IMMP2L: variants seen among roughly 807,000 people sequenced by gnomAD.
The protein encoded by IMMP2L is inner mitochondrial membrane peptidase subunit 2.
In IMMP2L, 18 loss-of-function variants were observed where a neutral mutation model predicts 19.3. That is an observed-to-expected ratio of 0.93 (90% CI 0.64 to 1.38). The LOEUF is 1.38. IMMP2L is among the 40% of genes most tolerant of loss of function. The pLI is 0.00. For synonymous variants in IMMP2L, 76 were observed against 73.0 expected (o/e 1.04, Z -0.21); for missense variants, 233 against 218.2 (o/e 1.07, Z -0.43).
chr7:111,050,559 T>C (rs1321731813), intron 3 of IMMP2L, among the ~76,000 whole-genome samples: 5 of 152,234 alleles, frequency 3.3e-5, no homozygotes. Context: ...ACATCTTTTT[T>C]GCTGCTTTTT....
chr7:111,341,389 T>C (rs533882354), intron 3 of IMMP2L, among the ~76,000 whole-genome samples: 1 of 152,210 alleles, frequency 6.6e-6, no homozygotes, highest in African/African-American at 2.4e-5. Flanking sequence ...AATGAATATA[T>C]GAATAAATGA....
intron 3 of IMMP2L, among the ~76,000 whole-genome samples, chr7:111,264,852 T>C (rs776339024): frequency 5.9e-5 from 9 of 151,990 alleles, no homozygotes; most frequent in Non-Finnish European, 1.0e-4. Flanking sequence ...GTACCCACAG[T>C]TGTACAGCAT....
intron 3 of IMMP2L, among the ~76,000 whole-genome samples, chr7:111,136,093 A>C (rs1426502018): frequency 6.6e-6 from 1 of 151,188 alleles, no homozygotes; most frequent in East Asian, 1.9e-4. Context: ...CAGTGGCATG[A>C]TCTCAGCTCA....
intron 3 of IMMP2L, among the ~76,000 whole-genome samples, chr7:111,285,304 A>G (rs1212361196): frequency 6.6e-6 from 1 of 152,136 alleles, no homozygotes; most frequent in Admixed American, 6.6e-5. Flanking sequence ...TGAGGAAAAC[A>G]AAAACAAAAA....
At chr7:111,360,304 G>A (rs1371455122) in intron 3 of IMMP2L, among the ~76,000 whole-genome samples, 3 of 152,032 alleles carry the variant, frequency 2.0e-5, no homozygotes, top group Non-Finnish European at 4.4e-5. Context: ...TTTTAAAGCA[G>A]TGTCCCCATA....
intron 3 of IMMP2L, among the ~76,000 whole-genome samples, chr7:111,014,645 C>A (rs1825316790): frequency 6.6e-6 from 1 of 151,846 alleles, no homozygotes; most frequent in Admixed American, 6.6e-5. Context: ...GAAAGGTAAT[C>A]TATGGAATGG....
intron 3 of IMMP2L, among the ~76,000 whole-genome samples, chr7:111,397,281 T>C (rs956972295): frequency 6.6e-6 from 1 of 152,140 alleles, no homozygotes; most frequent in Non-Finnish European, 1.5e-5. Flanking sequence ...TAGGAGCACT[T>C]TCAATATTCA....
At chr7:111,196,210 GA>G (rs923420155) in intron 3 of IMMP2L, among the ~76,000 whole-genome samples, 1 of 152,066 alleles carries the variant, frequency 6.6e-6, no homozygotes, top group African/African-American at 2.4e-5. Context: ...GGGACCTTAG[GA>G]AAAATCATGA....
At chr7:111,356,433 T>C in intron 3 of IMMP2L, among the ~76,000 whole-genome samples, 1 of 152,130 alleles carries the variant, frequency 6.6e-6, no homozygotes, top group East Asian at 1.9e-4. Context: ...TAAGAAAGGA[T>C]CTACATAGGT....
Position 110,963,546 on chromosome 7 carries a change from G to T in IMMP2L, c.259C>A (p.Gln87Lys). 6.3e-7 allele frequency: 1 copy of T among 1,599,488 alleles called. No homozygotes were observed. Among genetic ancestry groups the T allele is most frequent in the Non-Finnish European group, 8.6e-7 (1 of 1,168,926 alleles). ...GCAATCACTCTCTTAATGATCTTCT[G>T]TTCTGGGTTTTTAGGAGACCTAGAA... ...VSLVSPKNPE[Q>K]KIIKRVIALE... Residue 87 changes from glutamine to lysine, a missense_variant, in exon 4 of 6, where the codon CAG (glutamine) becomes AAG (lysine). Gln to Lys is a moderately conservative substitution (Grantham distance 53). Transcript: ENST00000405709.
At chr7:111,479,732 T>C (rs915997028) in intron 3 of IMMP2L, among the ~76,000 whole-genome samples, 1 of 152,074 alleles carries the variant, frequency 6.6e-6, no homozygotes, top group Admixed American at 6.6e-5. Context: ...GAAACAGCAT[T>C]CTCAGAGACT....
chr7:110,702,349 A>G (rs1794343939), intron 5 of IMMP2L, among the ~76,000 whole-genome samples: 3 of 152,214 alleles, frequency 2.0e-5, no homozygotes, highest in East Asian at 1.9e-4. Context: ...ATACATATAC[A>G]TGTTCACAGA....
intron 3 of IMMP2L, among the ~76,000 whole-genome samples, chr7:111,197,426 G>A (rs946427334): frequency 6.6e-5 from 10 of 152,068 alleles, no homozygotes; most frequent in Non-Finnish European, 1.0e-4. Context: ...TCACGCCACG[G>A]TGCTCCAGCC....
intron 3 of IMMP2L, among the ~76,000 whole-genome samples, chr7:111,286,836 T>C (rs1820537844): frequency 1.3e-5 from 2 of 152,278 alleles, no homozygotes; most frequent in South Asian, 4.1e-4. Context: ...AGTGGGTGAC[T>C]GAGGTCCCAG....
At chr7:110,739,963 G>C (rs1244887391) in intron 5 of IMMP2L, among the ~76,000 whole-genome samples, 1 of 152,104 alleles carries the variant, frequency 6.6e-6, no homozygotes, top group Non-Finnish European at 1.5e-5. Context: ...CAGAATGATT[G>C]TTGGGTTAAC....
At chr7:111,350,919 CTA>C (rs1828083489) in intron 3 of IMMP2L, among the ~76,000 whole-genome samples, 1 of 152,100 alleles carries the variant, frequency 6.6e-6, no homozygotes, top group South Asian at 2.1e-4. Flanking sequence ...GAAAAATAGA[CTA>C]TGCATTTTCA....
At chr7:111,274,312 T>A (rs1353587231) in intron 3 of IMMP2L, among the ~76,000 whole-genome samples, 1 of 151,966 alleles carries the variant, frequency 6.6e-6, no homozygotes, top group Non-Finnish European at 1.5e-5. Context: ...CTAAAATGAG[T>A]CTTAAATAAG....
At chr7:111,037,320 C>T (rs1314406256) in intron 3 of IMMP2L, among the ~76,000 whole-genome samples, 2 of 152,006 alleles carry the variant, frequency 1.3e-5, no homozygotes, top group African/African-American at 4.8e-5. Flanking sequence ...GTGGAGGTTT[C>T]CAAAGACTGG....
chr7:110,986,292 C>T (rs1821843818), intron 3 of IMMP2L, among the ~76,000 whole-genome samples: 1 of 152,114 alleles, frequency 6.6e-6, no homozygotes, highest in Non-Finnish European at 1.5e-5. Context: ...CAACTTCCTA[C>T]CCCTGGCCCA....
Sources: gnomAD v4.1 joint callset for allele counts (sites outside exome capture counted in the v4.1 genomes callset) on GRCh38, gnomAD v4.1.1 for gene constraint, MANE v1.5 for transcripts, NCBI Gene and HGNC (gene_info 2026-07-23, HGNC 2026-07-21) for gene names.